Variants in MAPK4 observed in about 807,000 individuals in gnomAD.
The protein encoded by MAPK4 is Erk3-related.
MAPK4 carries 22 observed loss-of-function variants against 47.7 expected under a neutral mutation model. The ratio of observed to expected loss-of-function variants is 0.46; its 90% CI spans 0.33 to 0.66. MAPK4 has a LOEUF of 0.66. MAPK4 is among the 30% of genes least tolerant of loss of function. The probability of loss-of-function intolerance (pLI) is 0.02; values close to 1 mark genes in which losing one functional copy is unlikely to be tolerated. For missense variants in MAPK4, 736 were observed against 831.7 expected, an observed-to-expected ratio of 0.88 and a Z score of 1.42; for synonymous variants, 390 against 365.7, an observed-to-expected ratio of 1.07 and a Z score of -0.76.
At chr18:50,572,164 C>T (rs868712940) in intron 1 of MAPK4, among the ~76,000 whole-genome samples, 13 of 152,226 alleles carry the variant, frequency 8.5e-5, no homozygotes, top group Middle Eastern at 3.4e-3. Flanking sequence ...AGGGCTTTAA[C>T]GACCCAGCCA....
intron 1 of MAPK4, among the ~76,000 whole-genome samples, chr18:50,660,343 AG>A (rs2043156758): frequency 6.6e-6 from 1 of 152,248 alleles, no homozygotes; most frequent in African/African-American, 2.4e-5. Flanking sequence ...CAGAAATATT[AG>A]TTGGTCTGAA....
chr18:50,672,499 C>T (rs115221838), intron 2 of MAPK4, among the ~76,000 whole-genome samples: 1,860 of 152,184 alleles, frequency 0.012, 41 homozygotes, highest in African/African-American at 0.041. Flanking sequence ...ATTGTGTTGG[C>T]GTTCAGTGCC....
intron 1 of MAPK4, among the ~76,000 whole-genome samples, chr18:50,639,802 G>T (rs2042922341): frequency 1.3e-5 from 2 of 152,186 alleles, no homozygotes; most frequent in South Asian, 4.1e-4. Context: ...TTAAGAGTTT[G>T]TTCCCTTGAT....
At chr18:50,632,302 C>CT (rs2042838257) in intron 1 of MAPK4, among the ~76,000 whole-genome samples, 1 of 152,188 alleles carries the variant, frequency 6.6e-6, no homozygotes. Flanking sequence ...TGTTTCTTCT[C>CT]TTCAGTGAGG....
chr18:50,672,436 G>A (rs1000962416), intron 2 of MAPK4, among the ~76,000 whole-genome samples: 2 of 152,172 alleles, frequency 1.3e-5, no homozygotes, highest in African/African-American at 4.8e-5. Flanking sequence ...TAGAACGGAG[G>A]CTGTACTTGA....
intron 3 of MAPK4, among the ~76,000 whole-genome samples, chr18:50,720,569 C>T (rs970333870): frequency 1.3e-5 from 2 of 152,054 alleles, no homozygotes; most frequent in African/African-American, 4.8e-5. Flanking sequence ...TCTCTGCCCC[C>T]ACCCCCGCTG....
intron 1 of MAPK4, among the ~76,000 whole-genome samples, chr18:50,609,426 G>A (rs1039451062): frequency 1.3e-5 from 2 of 149,070 alleles, no homozygotes; most frequent in African/African-American, 4.9e-5. Flanking sequence ...GGCGAGATAT[G>A]TCTTCTTCTT....
At chr18:50,688,477 G>A (rs1316469740) in intron 2 of MAPK4, among the ~76,000 whole-genome samples, 2 of 152,200 alleles carry the variant, frequency 1.3e-5, no homozygotes, top group Non-Finnish European at 2.9e-5. Context: ...GTACTTGCCT[G>A]GCTTCTGACT....
chr18:50,712,095 T>C (rs982655195), intron 2 of MAPK4, among the ~76,000 whole-genome samples: 1 of 152,192 alleles, frequency 6.6e-6, no homozygotes, highest in Non-Finnish European at 1.5e-5. Context: ...CCTTCCCAAA[T>C]TCTTCTCAGC....
chr18:50,610,103 A>G (rs2042619320), intron 1 of MAPK4, among the ~76,000 whole-genome samples: 1 of 152,234 alleles, frequency 6.6e-6, no homozygotes, highest in Middle Eastern at 3.2e-3. Context: ...TCATGGTTAG[A>G]AGACCAGAAC....
intron 2 of MAPK4, among the ~76,000 whole-genome samples, chr18:50,713,717 C>G (rs6508028): frequency 0.97 from 147,168 of 152,320 alleles, 71,279 homozygotes; most frequent in East Asian, 1. Context: ...CCGGTAGCAC[C>G]ATGAGTACGG....
chr18:50,663,857 G>T lies in MAPK4; in HGVS notation c.-102G>T. The T allele has an allele frequency of 9.9e-7, 1 of 1,011,738 alleles. No homozygotes were observed. The highest frequency in any genetic ancestry group is 1.5e-6 in the Non-Finnish European group (1 of 682,390). The allele number at this position is 1,011,738 out of a possible 1,614,324, so 62.7% of individuals were successfully genotyped here. A position where few individuals can be genotyped will look rare whatever the true frequency, so the allele number is the denominator to read the frequency against. ...GAGAAAACACATCCCTCAGCCGTGG[G>T]ACTTGACAGAATGAGGTGCGCGAGG... On this transcript the variant is annotated 5_prime_UTR_variant, in exon 2 of 6. Coordinates refer to ENST00000400384, the MANE Select transcript of MAPK4 (RefSeq NM_002747.4).
At chr18:50,606,987 A>C (rs578149727) in intron 1 of MAPK4, among the ~76,000 whole-genome samples, 1 of 152,226 alleles carries the variant, frequency 6.6e-6, no homozygotes, top group African/African-American at 2.4e-5. Flanking sequence ...TGTTGCACAC[A>C]TAGCGTGGTT....
At chr18:50,631,204 G>T (rs9947567) in intron 1 of MAPK4, among the ~76,000 whole-genome samples, 1 of 151,838 alleles carries the variant, frequency 6.6e-6, no homozygotes, top group African/African-American at 2.4e-5. Context: ...TTGCATTTTT[G>T]TGCTTTTTTG....
chr18:50,607,572 G>A (rs1284297385), intron 1 of MAPK4, among the ~76,000 whole-genome samples: 1 of 152,182 alleles, frequency 6.6e-6, no homozygotes, highest in African/African-American at 2.4e-5. Context: ...CTGAGCAGTG[G>A]AGGTGAGAGG....
chr18:50,691,219 C>T (rs1050966254), intron 2 of MAPK4, among the ~76,000 whole-genome samples: 10 of 152,184 alleles, frequency 6.6e-5, no homozygotes, highest in African/African-American at 9.6e-5. Flanking sequence ...TCTCAAAACT[C>T]TTGATTGCAA....
In MAPK4 at chr18:50,596,863, G is replaced by C. The variant is rs1050591929; in HGVS notation, c.-871+36620G>C. Among the ~76,000 whole-genome samples the C allele has an allele frequency of 2.0e-5, 3 of 152,320 alleles. No homozygotes were observed. In the South Asian group the frequency reaches 6.2e-4, roughly 32 times the overall value. The stretch of plus-strand genomic sequence containing the variant: ...GTCTCAGCCCACGTTAATGGAAGTC[G>C]AAAGTTGAAATCATGGGAGTAAACA... On this transcript the variant is annotated intron_variant, in intron 1 of 5. Transcript: ENST00000400384.
chr18:50,647,663 G>A (rs745485270), intron 1 of MAPK4, among the ~76,000 whole-genome samples: 1 of 152,092 alleles, frequency 6.6e-6, no homozygotes. Flanking sequence ...CCCCTATTTA[G>A]TTTATTCCTT....
Position 50,715,143 on chromosome 18 carries a change from A to T in MAPK4, c.611A>T (p.Asn204Ile). The change falls in exon 3 of 6, where the codon AAT becomes ATT. Residue 204 changes from asparagine (N) to isoleucine (I), a missense_variant. Asn to Ile is a moderately radical substitution (Grantham distance 149). Transcript: ENST00000400384. ...YRSPRLLLSP[N>I]NYTKAIDMWA... ...TCCCCACGACTGCTCCTTTCCCCCA[A>T]TAACTACACCAAAGCCATCGACATG... 1 of 1,614,182 alleles carries T rather than the reference A, an allele frequency of 6.2e-7. No individual in the cohort carries two copies.
Sources: allele counts gnomAD v4.1 joint callset (sites outside exome capture counted in the v4.1 genomes callset), GRCh38; gene constraint gnomAD v4.1.1; transcripts MANE v1.5; gene names NCBI Gene and HGNC (gene_info 2026-07-23, HGNC 2026-07-21).